KPNA3: variants seen among roughly 807,000 people sequenced by gnomAD.
KPNA3 encodes the protein importin subunit alpha-4.
In KPNA3, 13 loss-of-function variants were observed where a neutral mutation model predicts 73.8. The observed-to-expected ratio is 0.18, with a 90% CI of 0.11 to 0.28. KPNA3 has a LOEUF of 0.28. Ranked by LOEUF, KPNA3 falls within the 10% of genes least tolerant of loss-of-function variation. KPNA3 has a pLI of 1.00. For missense variants in KPNA3, 360 were observed against 618.1 expected (o/e 0.58, Z 4.43); for synonymous variants, 186 against 206.9 (o/e 0.90, Z 0.87).
At chr13:49,734,934 T>TAGAGAGAGAGAG (rs1345135818) in intron 2 of KPNA3, among the ~76,000 whole-genome samples, 5 of 93,386 alleles carry the variant, frequency 5.4e-5, no homozygotes, top group Non-Finnish European at 1.3e-4. Context: ...TATATATATA[T>TAGAGAGAGAGAG]ATATAGAGAG....
rs183283797 is a variant in KPNA3 at position 49,715,413 on chromosome 13, A to G, written c.771+4362T>C. On this transcript the variant is annotated intron_variant, in intron 10 of 16. Transcript: ENST00000261667. ...CCCTTAAACAAATGAAATAATGTTC[A>G]ACGTCATTCATAAAAAGTAAAATGC... Among the ~76,000 whole-genome samples, 271 of 152,322 alleles carry G rather than the reference A, an allele frequency of 1.8e-3. 2 individuals carry two copies. Among genetic ancestry groups the G allele is most frequent in the African/African-American group, 6.0e-3 (248 of 41,564 alleles).
At chr13:49,745,239 T>A (rs1212092697) in intron 2 of KPNA3, among the ~76,000 whole-genome samples, 8 of 152,226 alleles carry the variant, frequency 5.3e-5, no homozygotes, top group South Asian at 2.1e-4. Flanking sequence ...ACAAAGTGTG[T>A]ATTTAAAATA....
intron 15 of KPNA3, among the ~76,000 whole-genome samples, chr13:49,704,248 C>G (rs918319792): frequency 6.6e-6 from 1 of 151,886 alleles, no homozygotes; most frequent in African/African-American, 2.4e-5. Context: ...ACGGAGAAAC[C>G]CTGCCTCTAC....
intron 10 of KPNA3, among the ~76,000 whole-genome samples, chr13:49,714,257 A>G (rs1176015939): frequency 1.3e-5 from 2 of 152,108 alleles, no homozygotes; most frequent in Admixed American, 6.6e-5. Context: ...AGATCTAACT[A>G]ATAAACTGAA....
intron 1 of KPNA3, among the ~76,000 whole-genome samples, chr13:49,751,322 T>C (rs563951471): frequency 3.9e-5 from 6 of 152,210 alleles, no homozygotes; most frequent in African/African-American, 1.4e-4. Flanking sequence ...CTTTCAATCC[T>C]CTGAAATCAA....
intron 15 of KPNA3, 85 bp downstream of exon 15, chr13:49,705,536 T>G: frequency 7.5e-7 from 1 of 1,336,914 alleles, no homozygotes; most frequent in Non-Finnish European, 1.0e-6. Context: ...TCCTAGTAAT[T>G]TTCTGTCTAG....
chr13:49,734,381 T>C (rs1328894278), intron 2 of KPNA3, among the ~76,000 whole-genome samples: 5 of 152,230 alleles, frequency 3.3e-5, no homozygotes, highest in African/African-American at 4.8e-5. Context: ...AGAACATGTA[T>C]GTACAATACA....
chr13:49,717,676 G>A (rs963795209), intron 10 of KPNA3, among the ~76,000 whole-genome samples: 1 of 152,148 alleles, frequency 6.6e-6, no homozygotes, highest in African/African-American at 2.4e-5. Flanking sequence ...TGTAGATGAT[G>A]GAGATAATGA....
At chr13:49,716,207 G>C (rs1442477389) in intron 10 of KPNA3, among the ~76,000 whole-genome samples, 1 of 151,752 alleles carries the variant, frequency 6.6e-6, no homozygotes, top group Non-Finnish European at 1.5e-5. Context: ...GCCTAGGCTG[G>C]GCTTGAACTC....
chr13:49,769,761 C>T (rs940040985), intron 1 of KPNA3, among the ~76,000 whole-genome samples: 2 of 152,102 alleles, frequency 1.3e-5, no homozygotes, highest in African/African-American at 4.8e-5. Flanking sequence ...TGTTTTTCAT[C>T]TTTTGGACAC....
At chr13:49,784,281 G>A (rs1358853324) in intron 1 of KPNA3, among the ~76,000 whole-genome samples, 1 of 151,752 alleles carries the variant, frequency 6.6e-6, no homozygotes, top group Non-Finnish European at 1.5e-5. Context: ...AAATCTGAAG[G>A]GTGGTAAAAA....
intron 2 of KPNA3, among the ~76,000 whole-genome samples, chr13:49,733,351 A>C (rs972888181): frequency 7.1e-6 from 1 of 140,804 alleles, no homozygotes; most frequent in African/African-American, 2.6e-5. Context: ...GCAGTGGCAC[A>C]ATCTCAGCTC....
intron 9 of KPNA3, among the ~76,000 whole-genome samples, chr13:49,720,803 G>T (rs9596180): frequency 6.0e-4 from 90 of 149,546 alleles, no homozygotes; most frequent in African/African-American, 2.2e-3. Flanking sequence ...TTTTTAAAAT[G>T]CAAAGCACAA....
At chr13:49,791,197 G>A (rs1955030086) in intron 1 of KPNA3, among the ~76,000 whole-genome samples, 1 of 152,166 alleles carries the variant, frequency 6.6e-6, no homozygotes, top group Non-Finnish European at 1.5e-5. Context: ...ATAGAACACT[G>A]AATGGTATAT....
At chr13:49,781,989 T>C (rs189214539) in intron 1 of KPNA3, among the ~76,000 whole-genome samples, 15 of 152,306 alleles carry the variant, frequency 9.8e-5, no homozygotes, top group Admixed American at 9.8e-4. Flanking sequence ...AATTAACGGA[T>C]GGTTACCTTC....
At chr13:49,702,955 G>A (rs1373512547) in intron 15 of KPNA3, among the ~76,000 whole-genome samples, 6 of 150,974 alleles carry the variant, frequency 4.0e-5, no homozygotes, top group African/African-American at 1.5e-4. Flanking sequence ...TGCAAGCTCC[G>A]CCTCCTGGGT....
chr13:49,702,892 C>T (rs1566329940), intron 15 of KPNA3, among the ~76,000 whole-genome samples: 3 of 152,110 alleles, frequency 2.0e-5, no homozygotes, highest in South Asian at 2.1e-4. Context: ...GACGGAGTCT[C>T]GCTCTGTCAC....
intron 1 of KPNA3, 26 bp downstream of exon 1, chr13:49,792,412 G>C: frequency 6.5e-7 from 1 of 1,544,264 alleles, no homozygotes; most frequent in Non-Finnish European, 8.7e-7. Context: ...CGGCCAGGCG[G>C]GCCCAGACCG....
intron 12 of KPNA3, among the ~76,000 whole-genome samples, chr13:49,709,040 G>C (rs1192021567): frequency 6.6e-5 from 10 of 152,160 alleles, no homozygotes; most frequent in Non-Finnish European, 1.5e-5. Flanking sequence ...TACTTAAATA[G>C]AAACACAGGT....
Sources: allele counts gnomAD v4.1 joint callset (sites outside exome capture counted in the v4.1 genomes callset), GRCh38; gene constraint gnomAD v4.1.1; transcripts MANE v1.5; gene names NCBI Gene and HGNC (gene_info 2026-07-23, HGNC 2026-07-21).